Variants in NBAS observed in about 807,000 individuals in gnomAD.
The protein encoded by NBAS is NAG/BC035112 fusion.
Under a neutral mutation model 302.5 loss-of-function variants are expected in NBAS, and 219 were observed. The ratio of observed to expected loss-of-function variants is 0.72; its 90% CI spans 0.65 to 0.81. The LOEUF (loss-of-function observed/expected upper bound fraction) is 0.81, where lower values mean the gene tolerates loss of function less well. NBAS is among the 30% of genes least tolerant of loss of function. The pLI is 0.00. For missense variants in NBAS, 2,932 were observed against 2,841.6 expected (o/e 1.03, Z -0.72); for synonymous variants, 1,118 against 1,021.6 (o/e 1.09, Z -1.80).
chr2:15,323,779 G>A (rs1671932043), intron 38 of NBAS, among the ~76,000 whole-genome samples: 2 of 151,706 alleles, frequency 1.3e-5, no homozygotes, highest in South Asian at 4.2e-4. Context: ...AGATTGCAGT[G>A]AGCCACAATC....
At chr2:15,377,959 CT>C (rs1674827346) in intron 30 of NBAS, among the ~76,000 whole-genome samples, 1 of 152,130 alleles carries the variant, frequency 6.6e-6, no homozygotes. Context: ...TGTATAATCT[CT>C]TATAGACTGT....
chr2:15,228,951 A>G (rs575066611), intron 47 of NBAS, among the ~76,000 whole-genome samples: 1 of 152,338 alleles, frequency 6.6e-6, no homozygotes, highest in African/African-American at 2.4e-5. Flanking sequence ...GTATATTTCA[A>G]GATCGCTAGA....
chr2:15,427,853 A>T lies in NBAS; in HGVS notation c.2340-59T>A. The T allele has an allele frequency of 7.6e-6, 10 of 1,313,610 alleles. No homozygotes were observed. In the South Asian group the frequency reaches 1.3e-4, roughly 16 times the overall value. The allele number at this position is 1,313,610 out of a possible 1,614,324, so 81.4% of individuals were successfully genotyped here. The stretch of plus-strand genomic sequence containing the variant: ...CACATTACCTCAATGACTTAGCCAC[A>T]CAAGGAGTAAAATGCAAACAGCATC... On this transcript the variant is annotated intron_variant, in intron 21 of 51. Transcript: ENST00000281513.
the NBAS span, among the ~76,000 whole-genome samples, chr2:14,919,246 T>C: frequency 7.9e-5 from 12 of 152,166 alleles, no homozygotes; most frequent in Admixed American, 3.3e-4. Flanking sequence ...AGCCAGTACA[T>C]ATAAAAGATA....
chr2:15,151,982 G>A, the NBAS span, among the ~76,000 whole-genome samples: 5 of 152,086 alleles, frequency 3.3e-5, no homozygotes, highest in Non-Finnish European at 7.4e-5. Context: ...CGAGTAGCTG[G>A]GACTACAGGC....
At chr2:14,934,514 T>C in the NBAS span, among the ~76,000 whole-genome samples, 3 of 152,188 alleles carry the variant, frequency 2.0e-5, no homozygotes, top group African/African-American at 7.2e-5. Context: ...GTAGTATGAT[T>C]GGACCCATAA....
the NBAS span, among the ~76,000 whole-genome samples, chr2:14,958,673 T>C: frequency 6.6e-6 from 1 of 152,298 alleles, no homozygotes; most frequent in African/African-American, 2.4e-5. Context: ...AAATGCTTCA[T>C]GAGGCTTTGC....
the NBAS span, among the ~76,000 whole-genome samples, chr2:14,829,746 T>A: frequency 6.6e-6 from 1 of 152,182 alleles, no homozygotes; most frequent in African/African-American, 2.4e-5. Flanking sequence ...CCTCAGGGGC[T>A]CCATTTGCCA....
intron 27 of NBAS, 106 bp downstream of exon 27, chr2:15,396,307 G>A (rs950842888): frequency 7.6e-5 from 65 of 852,498 alleles, no homozygotes; most frequent in Non-Finnish European, 1.1e-4. Flanking sequence ...AAACAAAAAT[G>A]AGGTTAAAGT....
chr2:15,518,037 C>G (rs1662483350), intron 9 of NBAS, among the ~76,000 whole-genome samples: 1 of 151,718 alleles, frequency 6.6e-6, no homozygotes, highest in African/African-American at 2.4e-5. Context: ...TTCTCCTTCT[C>G]TCTCCCTTTT....
chr2:14,850,034 A>C, the NBAS span, among the ~76,000 whole-genome samples: 18 of 138,532 alleles, frequency 1.3e-4, no homozygotes, highest in African/African-American at 4.3e-4. Context: ...CGAGCAAAAT[A>C]ACCAGCTAAC....
chr2:15,257,758 G>T (rs925417039), intron 44 of NBAS, among the ~76,000 whole-genome samples: 6 of 152,150 alleles, frequency 3.9e-5, no homozygotes, highest in Non-Finnish European at 8.8e-5. Flanking sequence ...TTTAACAAAA[G>T]TTTGCTATAT....
the NBAS span, among the ~76,000 whole-genome samples, chr2:15,027,282 T>C: frequency 1.3e-5 from 2 of 152,188 alleles, no homozygotes; most frequent in Admixed American, 6.5e-5. Flanking sequence ...GCTGATTTTA[T>C]GTCTTTAAAT....
the NBAS span, among the ~76,000 whole-genome samples, chr2:14,916,781 A>C: frequency 0.087 from 13,249 of 152,224 alleles, 655 homozygotes; most frequent in African/African-American, 0.11. Context: ...GGCTAAGTCT[A>C]CAATCTCAGA....
chr2:14,991,289 C>T, the NBAS span, among the ~76,000 whole-genome samples: 13 of 151,910 alleles, frequency 8.6e-5, no homozygotes, highest in South Asian at 4.2e-4. Context: ...AAAAAAAACC[C>T]ACCTGGATTA....
intron 40 of NBAS, among the ~76,000 whole-genome samples, chr2:15,307,999 G>T (rs935297925): frequency 6.6e-6 from 1 of 152,156 alleles, no homozygotes; most frequent in Admixed American, 6.5e-5. Context: ...AAAAGTTAGA[G>T]GGAGGAAACA....
the NBAS span, among the ~76,000 whole-genome samples, chr2:15,057,842 G>T: frequency 6.6e-6 from 1 of 152,168 alleles, no homozygotes; most frequent in Non-Finnish European, 1.5e-5. Flanking sequence ...ATTTGGGTTG[G>T]TTCCATGATT....
the NBAS span, among the ~76,000 whole-genome samples, chr2:14,781,016 G>GC: frequency 6.6e-6 from 1 of 152,172 alleles, no homozygotes; most frequent in Non-Finnish European, 1.5e-5. Context: ...AGCCATCTTG[G>GC]ACAGAAAAAT....
At chr2:15,178,535 C>T (rs1165533261) in intron 51 of NBAS, among the ~76,000 whole-genome samples, 1 of 152,208 alleles carries the variant, frequency 6.6e-6, no homozygotes, top group Non-Finnish European at 1.5e-5. Context: ...TTTGAGATTT[C>T]AGATGGTGCC....
Sources: gnomAD v4.1 joint callset for allele counts (sites outside exome capture counted in the v4.1 genomes callset) on GRCh38, gnomAD v4.1.1 for gene constraint, MANE v1.5 for transcripts, NCBI Gene and HGNC (gene_info 2026-07-23, HGNC 2026-07-21) for gene names.